Variants in AP2A2 observed in about 807,000 individuals in gnomAD.
The protein encoded by AP2A2 is AP-2 complex subunit alpha-2.
In AP2A2, 32 loss-of-function variants were observed where a neutral mutation model predicts 104.2. That is an observed-to-expected ratio of 0.31 (90% CI 0.23 to 0.41). The LOEUF (loss-of-function observed/expected upper bound fraction) is 0.41. AP2A2 is among the 10% of genes least tolerant of loss of function. The pLI is 1.00. For synonymous variants in AP2A2, 539 were observed against 533.3 expected (o/e 1.01, Z -0.15); for missense variants, 912 against 1,261.0 (o/e 0.72, Z 4.19).
intron 10 of AP2A2, among the ~76,000 whole-genome samples, chr11:989,259 G>A (rs796369698): frequency 5.3e-5 from 8 of 152,220 alleles, no homozygotes; most frequent in African/African-American, 1.9e-4. Context: ...CCCGGGAGGC[G>A]GAGGCGGAGG....
chr11:954,445 T>A (rs1415557066), intron 1 of AP2A2, among the ~76,000 whole-genome samples: 1 of 152,172 alleles, frequency 6.6e-6, no homozygotes, highest in Non-Finnish European at 1.5e-5. Context: ...TGTGTATGTA[T>A]GTATATGTGT....
Position 985,507 on chromosome 11 carries a change from C to T in AP2A2, c.887C>T (p.Ser296Leu), listed in dbSNP as rs1367519369. 13 of 1,613,864 alleles carry T rather than the reference C, an allele frequency of 8.1e-6. No homozygotes were observed. Among genetic ancestry groups the T allele is most frequent in the Middle Eastern group, 1.6e-4 (1 of 6,084 alleles). Residue 296 changes from serine (S) to leucine (L), a missense_variant, in exon 8 of 22, where the codon TCG becomes TTG. By Grantham distance (145) the Ser-to-Leu change is moderately radical. Transcript: ENST00000448903. ...AACAAAGCCCAAGAACCGCCCAAGT[C>T]GAAGAAGGTCCAGCACTCCAACGCG... ...ILNKAQEPPKSKKVQHSNAKN... is the reference protein window; with the variant it reads ...ILNKAQEPPKLKKVQHSNAKN...
intron 8 of AP2A2, among the ~76,000 whole-genome samples, chr11:986,052 G>C (rs188024466): frequency 1.3e-5 from 2 of 152,374 alleles, no homozygotes; most frequent in African/African-American, 4.8e-5. Flanking sequence ...TGCCTCCTCT[G>C]CTCCCACGCC....
intron 14 of AP2A2, among the ~76,000 whole-genome samples, chr11:995,765 C>T (rs1264635447): frequency 7.6e-6 from 1 of 132,016 alleles, no homozygotes; most frequent in Non-Finnish European, 1.6e-5. Context: ...CTCCCTCCAC[C>T]TAGTGTCCTC....
chr11:990,099 C>A (rs1855596537), intron 10 of AP2A2, among the ~76,000 whole-genome samples: 1 of 152,106 alleles, frequency 6.6e-6, no homozygotes, highest in Non-Finnish European at 1.5e-5. Context: ...GGCTTCAATG[C>A]TGAGGGGTGA....
intron 1 of AP2A2, among the ~76,000 whole-genome samples, chr11:934,594 C>T (rs11605562): frequency 0.069 from 10,522 of 152,164 alleles, 437 homozygotes; most frequent in South Asian, 0.11. Context: ...TGTCTGTCTA[C>T]GGGTTTGCTT....
intron 5 of AP2A2, among the ~76,000 whole-genome samples, chr11:977,738 G>A (rs1855099225): frequency 1.3e-5 from 2 of 151,950 alleles, no homozygotes; most frequent in East Asian, 3.9e-4. Flanking sequence ...GGGTCACAGA[G>A]CCGTCCACCG....
chr11:995,308 G>GT, intron 14 of AP2A2: 1 of 455,930 alleles, frequency 2.2e-6, no homozygotes, highest in Non-Finnish European at 4.4e-6. Context: ...GAATAATCCT[G>GT]TAACAGAATG....
At position 1,011,913 on chromosome 11, in the gene AP2A2, G is replaced by C. The variant is rs1055300565; in HGVS notation, c.*1288G>C. ...CTCTTCTTCCGGCGTGTCGGGCTTT[G>C]ATCACAGCATAGCCACGTCAGTGGC... On this transcript the variant is annotated 3_prime_UTR_variant, in exon 22 of 22. Coordinates refer to ENST00000448903, the MANE Select transcript of AP2A2 (RefSeq NM_012305.4). The C allele has an allele frequency of 1.0e-5, 2 of 191,954 alleles. No homozygotes were observed. The highest frequency in any genetic ancestry group is 4.8e-5 in the African/African-American group (2 of 41,978). 11.9% of individuals were successfully genotyped at this position (191,954 alleles called of 1,614,324 possible). A position where few individuals can be genotyped will look rare whatever the true frequency, so the allele number is the denominator to read the frequency against.
intron 3 of AP2A2, 138 bp downstream of exon 3, chr11:970,449 C>T (rs1283836100): frequency 4.1e-5 from 46 of 1,114,236 alleles, no homozygotes; most frequent in South Asian, 9.9e-5. Flanking sequence ...CAGATGGAGA[C>T]GCGTGCCCAG....
At chr11:949,129 G>A (rs10902241) in intron 1 of AP2A2, among the ~76,000 whole-genome samples, 76,989 of 151,282 alleles carry the variant, frequency 0.51, 20,164 homozygotes, top group Middle Eastern at 0.67. Context: ...TGCAAAAATT[G>A]GATGAGTGTG....
chr11:934,018 T>C (rs1261324148), intron 1 of AP2A2, among the ~76,000 whole-genome samples: 2 of 151,938 alleles, frequency 1.3e-5, no homozygotes, highest in South Asian at 2.1e-4. Flanking sequence ...GAGGGGCTGG[T>C]GGGTGCTCCG....
At chr11:1,008,334 C>T in intron 18 of AP2A2, 199 bp downstream of exon 18, 3 of 786,520 alleles carry the variant, frequency 3.8e-6, no homozygotes, top group Non-Finnish European at 5.6e-6. Flanking sequence ...GAGCCCTGGG[C>T]TCCGGGACGG....
chr11:945,341 A>T (rs1010332417), intron 1 of AP2A2, among the ~76,000 whole-genome samples: 3 of 152,068 alleles, frequency 2.0e-5, no homozygotes, highest in African/African-American at 4.8e-5. Context: ...CTCAATTTTT[A>T]AAAATTTTTT....
In AP2A2 at chr11:972,270, C is replaced by G. The variant is rs7933889; in HGVS notation, c.473+15C>G. 6 of 1,562,882 alleles carry G rather than the reference C, an allele frequency of 3.8e-6. No homozygotes were observed. In the South Asian group the frequency reaches 7.0e-5, roughly 18 times the overall value. On this transcript the variant is annotated intron_variant, in intron 4 of 21. Transcript: ENST00000448903. ...CTCGTAGCCGGGTATGTGCCGGGCT[C>G]GTGCCGGGCTCCTGCTGAAGATGTG... is the stretch of plus-strand genomic sequence containing the variant.
Position 926,094 on chromosome 11 carries a change from T to A in AP2A2, c.67+6T>A. On this transcript the variant is annotated splice_donor_region_variant and intron_variant, in intron 1 of 21. Coordinates refer to ENST00000448903, the MANE Select transcript of AP2A2 (RefSeq NM_012305.4). The stretch of plus-strand genomic sequence containing the variant: ...CATCTCGGATATCCGCAACTGTGAG[T>A]GGCGGGGGCGGCGTGGGGCCGGGGC... The A allele has an allele frequency of 1.5e-6, 2 of 1,292,622 alleles. No individual in the cohort carries two copies. The highest frequency in any genetic ancestry group is 2.0e-6 in the Non-Finnish European group (2 of 1,007,200). The allele number at this position is 1,292,622 out of a possible 1,614,324, so 80.1% of individuals were successfully genotyped here.
chr11:1,010,167 C>T, intron 21 of AP2A2: 1 of 472,074 alleles, frequency 2.1e-6, no homozygotes, highest in East Asian at 3.5e-5. Flanking sequence ...CTGTTCCTCT[C>T]TGTCACCGCG....
chr11:926,104 G>C lies in AP2A2; in HGVS notation c.67+16G>C. 7.7e-7 allele frequency: 1 copy of C among 1,301,418 alleles called. No homozygotes were observed. Among genetic ancestry groups the C allele is most frequent in the Non-Finnish European group, 9.9e-7 (1 of 1,013,884 alleles). The allele number at this position is 1,301,418 out of a possible 1,614,324, so 80.6% of individuals were successfully genotyped here. A position where few individuals can be genotyped will look rare whatever the true frequency, so the allele number is the denominator to read the frequency against. ...ATCCGCAACTGTGAGTGGCGGGGGC[G>C]GCGTGGGGCCGGGGCCGGGGCCGCC... On this transcript the variant is annotated intron_variant, in intron 1 of 21. Coordinates refer to ENST00000448903, the MANE Select transcript of AP2A2 (RefSeq NM_012305.4).
chr11:928,118 G>A (rs1391794582), intron 1 of AP2A2, among the ~76,000 whole-genome samples: 1 of 152,188 alleles, frequency 6.6e-6, no homozygotes, highest in Non-Finnish European at 1.5e-5. Flanking sequence ...CAGGGCCTGC[G>A]TTTGACAGGA....
Sources: gnomAD v4.1 joint callset for allele counts (sites outside exome capture counted in the v4.1 genomes callset) on GRCh38, gnomAD v4.1.1 for gene constraint, MANE v1.5 for transcripts, NCBI Gene and HGNC (gene_info 2026-07-23, HGNC 2026-07-21) for gene names.